SLC35D2: variants seen among roughly 807,000 people sequenced by gnomAD.
SLC35D2 encodes the protein nucleotide sugar transporter SLC35D2.
Under a neutral mutation model 41.8 loss-of-function variants are expected in SLC35D2, and 43 were observed. That is an observed-to-expected ratio of 1.03 (90% CI 0.81 to 1.33). The LOEUF is 1.33. Among genes scored for constraint, SLC35D2 ranks in the 40% most tolerant of loss-of-function variants. The pLI is 0.00. For missense variants in SLC35D2, 380 were observed against 408.4 expected, an observed-to-expected ratio of 0.93 and a Z score of 0.60; for synonymous variants, 150 against 163.9, an observed-to-expected ratio of 0.92 and a Z score of 0.65.
chr9:96,327,338 G>A (rs1179351738), intron 9 of SLC35D2, among the ~76,000 whole-genome samples: 2 of 152,288 alleles, frequency 1.3e-5, no homozygotes, highest in South Asian at 4.1e-4. Context: ...CCTCCCGCCT[G>A]TCTTCCAAGT....
downstream of SLC35D2, among the ~76,000 whole-genome samples, chr9:96,320,221 C>T (rs1828158843): frequency 1.3e-5 from 2 of 152,164 alleles, no homozygotes; most frequent in African/African-American, 2.4e-5. Flanking sequence ...CGCTTAAATG[C>T]TAACAGGATT....
At chr9:96,379,411 G>T (rs1831098568) in intron 1 of SLC35D2, among the ~76,000 whole-genome samples, 1 of 151,974 alleles carries the variant, frequency 6.6e-6, no homozygotes, top group Non-Finnish European at 1.5e-5. Flanking sequence ...GCCTTCAAAG[G>T]CCTCTCTGTC....
At chr9:96,358,078 TTTTATATATATATATA>T (rs1472343319) in intron 4 of SLC35D2, among the ~76,000 whole-genome samples, 1 of 79,252 alleles carries the variant, frequency 1.3e-5, no homozygotes, top group Non-Finnish European at 2.4e-5. Flanking sequence ...ATATTATATA[TTTTATATATATATATA>T]TATATATATA....
At chr9:96,359,176 C>T (rs866767001) in intron 4 of SLC35D2, among the ~76,000 whole-genome samples, 8 of 151,792 alleles carry the variant, frequency 5.3e-5, no homozygotes, top group African/African-American at 1.9e-4. Context: ...TAGTGGCAGG[C>T]GCCTGTACTC....
chr9:96,383,404 G>C, intron 1 of SLC35D2, 73 bp downstream of exon 1: 1 of 1,274,542 alleles, frequency 7.8e-7, no homozygotes, highest in Non-Finnish European at 1.1e-6. Context: ...TGTCCCGGGC[G>C]CCGCTGAAGC....
intron 4 of SLC35D2, among the ~76,000 whole-genome samples, chr9:96,355,642 A>G (rs1297642450): frequency 6.6e-6 from 1 of 151,842 alleles, no homozygotes; most frequent in Non-Finnish European, 1.5e-5. Flanking sequence ...AATTACAGGT[A>G]TCCACCAACA....
chr9:96,318,905 C>G (rs983117158), downstream of SLC35D2, among the ~76,000 whole-genome samples: 2 of 152,080 alleles, frequency 1.3e-5, no homozygotes, highest in Admixed American at 1.3e-4. Flanking sequence ...GAAATTGGAA[C>G]CCTTGATGGC....
intron 8 of SLC35D2, among the ~76,000 whole-genome samples, chr9:96,342,390 A>C (rs1829370957): frequency 6.6e-6 from 1 of 152,140 alleles, no homozygotes; most frequent in Admixed American, 6.6e-5. Flanking sequence ...TCGGCCTCCC[A>C]AAGTGCTGGG....
intron 1 of SLC35D2, among the ~76,000 whole-genome samples, chr9:96,380,908 C>T (rs778021844): frequency 1.3e-5 from 2 of 152,180 alleles, no homozygotes; most frequent in Non-Finnish European, 2.9e-5. Flanking sequence ...CACCAGGCAG[C>T]AGGCTGCAAC....
At chr9:96,333,576 CAG>C (rs988134908) in intron 9 of SLC35D2, among the ~76,000 whole-genome samples, 1 of 128,320 alleles carries the variant, frequency 7.8e-6, no homozygotes, top group African/African-American at 3.1e-5. Flanking sequence ...GCCTGGGCGA[CAG>C]AGGGAGACTC....
intron 6 of SLC35D2, among the ~76,000 whole-genome samples, chr9:96,347,044 G>C (rs552707136): frequency 6.6e-6 from 1 of 152,182 alleles, no homozygotes; most frequent in African/African-American, 2.4e-5. Context: ...GCTGAGGCAG[G>C]AGAATCACTT....
At chr9:96,321,392 C>T (rs1316560931) in intron 11 of SLC35D2, 51 bp from the exon 12 acceptor site, 2 of 1,347,280 alleles carry the variant, frequency 1.5e-6, no homozygotes, top group Non-Finnish European at 2.1e-6. Context: ...TTCACAGGGG[C>T]TCCAGCAGCA....
intron 8 of SLC35D2, among the ~76,000 whole-genome samples, chr9:96,339,461 G>A (rs548510244): frequency 4.6e-5 from 7 of 151,460 alleles, no homozygotes; most frequent in Admixed American, 6.6e-5. Context: ...ATGATGAGAC[G>A]GTATTAGTGG....
chr9:96,378,395 T>C (rs943485755), intron 1 of SLC35D2, among the ~76,000 whole-genome samples: 38 of 151,978 alleles, frequency 2.5e-4, no homozygotes, highest in African/African-American at 7.2e-4. Flanking sequence ...ATCACTGCAC[T>C]CCAGCCTGGG....
intron 10 of SLC35D2, 80 bp from the exon 11 acceptor site, chr9:96,322,160 G>C: frequency 1.1e-6 from 1 of 892,848 alleles, no homozygotes; most frequent in Non-Finnish European, 1.8e-6. Flanking sequence ...CCTGAAACTA[G>C]ACATTTTAGT....
At chr9:96,375,511 G>A (rs1196350232) in intron 1 of SLC35D2, among the ~76,000 whole-genome samples, 1 of 151,638 alleles carries the variant, frequency 6.6e-6, no homozygotes, top group Non-Finnish European at 1.5e-5. Flanking sequence ...CCAGGAGATG[G>A]AGGTTGCTGT....
chr9:96,344,517 A>AG (rs1191838872), intron 7 of SLC35D2, among the ~76,000 whole-genome samples: 1 of 124,140 alleles, frequency 8.1e-6, no homozygotes, highest in Non-Finnish European at 1.6e-5. Context: ...GTTAAAAAAA[A>AG]AAAAAAAAAA....
At chr9:96,334,541 G>A (rs1016505467) in intron 9 of SLC35D2, among the ~76,000 whole-genome samples, 2 of 152,142 alleles carry the variant, frequency 1.3e-5, no homozygotes, top group Admixed American at 6.6e-5. Context: ...AGGAGGCTGA[G>A]GCAGGAGAAT....
chr9:96,344,087 A>C (rs958764152), intron 7 of SLC35D2, 91 bp from the exon 8 acceptor site: 1 of 712,342 alleles, frequency 1.4e-6, no homozygotes, highest in Non-Finnish European at 2.3e-6. Flanking sequence ...TATTCATGCG[A>C]AGTTAGAATG....
Sources: allele counts gnomAD v4.1 joint callset (sites outside exome capture counted in the v4.1 genomes callset), GRCh38; gene constraint gnomAD v4.1.1; transcripts MANE v1.5; gene names NCBI Gene and HGNC (gene_info 2026-07-23, HGNC 2026-07-21).